Variants in UCHL5 observed in about 807,000 individuals in gnomAD.
UCHL5 encodes ubiquitin carboxyl-terminal hydrolase isozyme L5.
UCHL5 carries 34 observed loss-of-function variants against 53.8 expected under a neutral mutation model. That is an observed-to-expected ratio of 0.63 (90% CI 0.48 to 0.84). The LOEUF (loss-of-function observed/expected upper bound fraction) is 0.84. Ranked by LOEUF, UCHL5 falls within the 40% of genes least tolerant of loss-of-function variation. UCHL5 has a pLI of 0.00. For missense variants in UCHL5, 290 were observed against 385.6 expected (o/e 0.75, Z 2.08); for synonymous variants, 111 against 126.3 (o/e 0.88, Z 0.81).
At chr1:193,033,950 T>C (rs1662456318) in intron 3 of UCHL5, among the ~76,000 whole-genome samples, 1 of 152,214 alleles carries the variant, frequency 6.6e-6, no homozygotes. Context: ...ACAATGAGCA[T>C]ATTGGTCATT....
At chr1:193,038,454 C>T (rs906209190) in intron 3 of UCHL5, among the ~76,000 whole-genome samples, 2 of 70,936 alleles carry the variant, frequency 2.8e-5, no homozygotes, top group South Asian at 8.6e-4. Context: ...GACTTCATCT[C>T]AAAAAAAAAA....
In UCHL5 at chr1:193,031,511, G is replaced by A. The variant is rs143417606; in HGVS notation, c.247-1854C>T. ...TCCATGATATATTAGAACTCATTTT[G>A]TATGTGTCTGTGAGAAGAAAAGTTA... On this transcript the variant is annotated intron_variant, in intron 3 of 10. Transcript: ENST00000367454. 8.5e-3 allele frequency among the ~76,000 whole-genome samples: 1,295 copies of A among 152,176 alleles called. 15 individuals carry two copies. The highest frequency in any genetic ancestry group is 0.012 in the Admixed American group (187 of 15,286).
chr1:193,044,392 C>A (rs1042313038), intron 3 of UCHL5, among the ~76,000 whole-genome samples: 1 of 152,168 alleles, frequency 6.6e-6, no homozygotes, highest in African/African-American at 2.4e-5. Context: ...AAGTAAATCA[C>A]ACCTCAGCTC....
At chr1:193,027,729 A>C in intron 7 of UCHL5, 1 of 328,698 alleles carries the variant, frequency 3.0e-6, no homozygotes, top group South Asian at 2.5e-5. Context: ...ACTTAATGGA[A>C]ATCTGCATGT....
chr1:193,031,490 T>A (rs1204628211), intron 3 of UCHL5, among the ~76,000 whole-genome samples: 2 of 152,164 alleles, frequency 1.3e-5, no homozygotes, highest in Non-Finnish European at 2.9e-5. Flanking sequence ...ACACTGTCCA[T>A]GATATATTAG....
At chr1:193,028,036 A>T (rs1052862567) in intron 7 of UCHL5, 49 bp downstream of exon 7, 3 of 1,583,234 alleles carry the variant, frequency 1.9e-6, no homozygotes, top group African/African-American at 1.4e-5. Context: ...AGTTTAAAAA[A>T]TACTTAAAAA....
intron 10 of UCHL5, 44 bp downstream of exon 10, chr1:193,021,053 G>T: frequency 7.2e-7 from 1 of 1,380,316 alleles, no homozygotes; most frequent in Non-Finnish European, 1.0e-6. Context: ...TATGTTTTTG[G>T]AGACTCTAAA....
In UCHL5 at chr1:193,013,848, CTG is replaced by C. The variant is rs1280771745; in HGVS notation, c.*2501_*2502del. 6.6e-6 allele frequency: 1 copy of C among 152,140 alleles called. No homozygotes were observed. The highest frequency in any genetic ancestry group is 1.5e-5 in the Non-Finnish European group (1 of 68,038). The allele number at this position is 152,140 out of a possible 1,614,324, so 9.4% of individuals were successfully genotyped here. A position where few individuals can be genotyped will look rare whatever the true frequency, so the allele number is the denominator to read the frequency against. On this transcript the variant is annotated 3_prime_UTR_variant, in exon 11 of 11. Coordinates refer to ENST00000367454, the MANE Select transcript of UCHL5 (RefSeq NM_001199261.3). ...TTGTGATTCCCGAGCAAATATTTGT[CTG>C]TTTTAGTGGCACAGTCGAGCTGACT...
intron 2 of UCHL5, 52 bp downstream of exon 2, chr1:193,051,702 G>A: frequency 9.0e-7 from 1 of 1,109,680 alleles, no homozygotes; most frequent in Non-Finnish European, 1.3e-6. Flanking sequence ...TATCCTTTAA[G>A]TTTGTTAAAG....
intron 3 of UCHL5, 52 bp downstream of exon 3, chr1:193,049,694 G>A: frequency 6.9e-7 from 1 of 1,442,200 alleles, no homozygotes; most frequent in Non-Finnish European, 9.4e-7. Context: ...CTAGAGTCTT[G>A]TTTATAAAAA....
intron 1 of UCHL5, among the ~76,000 whole-genome samples, chr1:193,053,764 A>G (rs915710225): frequency 1.3e-5 from 2 of 152,204 alleles, no homozygotes; most frequent in Non-Finnish European, 2.9e-5. Context: ...TATATTAAAT[A>G]AAAAGTTGAG....
intron 3 of UCHL5, among the ~76,000 whole-genome samples, chr1:193,030,948 C>T (rs1393120956): frequency 6.6e-6 from 1 of 152,142 alleles, no homozygotes; most frequent in Admixed American, 6.5e-5. Flanking sequence ...ATAACTATAA[C>T]ATCACCATGC....
In UCHL5 at chr1:193,016,189, A is replaced by G. The variant is rs547286305; in HGVS notation, c.*162T>C. On this transcript the variant is annotated 3_prime_UTR_variant, in exon 11 of 11. Coordinates refer to ENST00000367454, the MANE Select transcript of UCHL5 (RefSeq NM_001199261.3). ...TGCACTACATGCACATGATGCAGGT[A>G]GGGAAGAAGTTTATGAATCCATGCA... The G allele has an allele frequency of 1.4e-6, 1 of 709,920 alleles. No homozygotes were observed. The highest frequency in any genetic ancestry group is 1.9e-5 in the African/African-American group (1 of 53,910). The allele number at this position is 709,920 out of a possible 1,614,324, so 44.0% of individuals were successfully genotyped here.
chr1:193,017,295 T>C (rs772902858), intron 10 of UCHL5, among the ~76,000 whole-genome samples: 7 of 151,724 alleles, frequency 4.6e-5, no homozygotes, highest in African/African-American at 1.4e-4. Context: ...TTCTACATTA[T>C]ACAACTTTTT....
In UCHL5 at chr1:193,020,525, T is replaced by C. The variant is rs1571451935; in HGVS notation, c.942+572A>G. Reference sequence around the variant, plus strand: ...GATGTTCACTTTCAGAAACACTGATTTACAGTATGAACTTAAAAACAATTT... The same window carrying C: ...GATGTTCACTTTCAGAAACACTGATCTACAGTATGAACTTAAAAACAATTT... On this transcript the variant is annotated intron_variant, in intron 10 of 10. Coordinates refer to ENST00000367454, the MANE Select transcript of UCHL5 (RefSeq NM_001199261.3). 1.1e-5 allele frequency: 15 copies of C among 1,386,880 alleles called. No individual in the cohort carries two copies. In the East Asian group the frequency reaches 4.1e-4, roughly 38 times the overall value. 85.9% of individuals were successfully genotyped at this position (1,386,880 alleles called of 1,614,324 possible). A position where few individuals can be genotyped will look rare whatever the true frequency, so the allele number is the denominator to read the frequency against.
intron 3 of UCHL5, among the ~76,000 whole-genome samples, chr1:193,045,930 A>G (rs1667188064): frequency 6.6e-6 from 1 of 152,226 alleles, no homozygotes; most frequent in African/African-American, 2.4e-5. Context: ...TTTCTCTACT[A>G]CGTAGATCTT....
intron 7 of UCHL5, among the ~76,000 whole-genome samples, chr1:193,025,442 CA>C (rs1296841695): frequency 6.6e-6 from 1 of 152,216 alleles, no homozygotes; most frequent in Non-Finnish European, 1.5e-5. Flanking sequence ...TCAAAGGACA[CA>C]GAATGGGAAG....
chr1:193,016,236 A>C lies in UCHL5; in HGVS notation c.*115T>G, dbSNP rs976776514. The stretch of plus-strand genomic sequence containing the variant: ...TGCATTAAAGACAAGACAGGCTGGC[A>C]CTATTGCCAAACGTGCACTGAGCCA... On this transcript the variant is annotated 3_prime_UTR_variant, in exon 11 of 11. Coordinates refer to ENST00000367454, the MANE Select transcript of UCHL5 (RefSeq NM_001199261.3). The C allele has an allele frequency of 1.7e-6, 2 of 1,161,038 alleles. No homozygotes were observed. Among genetic ancestry groups the C allele is most frequent in the Non-Finnish European group, 2.5e-6 (2 of 810,114 alleles). The allele number at this position is 1,161,038 out of a possible 1,614,324, so 71.9% of individuals were successfully genotyped here.
At chr1:193,018,300 T>A (rs1655575143) in intron 10 of UCHL5, 1 of 180,268 alleles carries the variant, frequency 5.5e-6, no homozygotes, top group Non-Finnish European at 1.1e-5. Flanking sequence ...AAGTTATTGG[T>A]AGTTAAAAAT....
Sources: allele counts gnomAD v4.1 joint callset (sites outside exome capture counted in the v4.1 genomes callset), GRCh38; gene constraint gnomAD v4.1.1; transcripts MANE v1.5; gene names NCBI Gene and HGNC (gene_info 2026-07-23, HGNC 2026-07-21).